The following KCMF1 variants were observed in gnomAD, a reference collection of about 807,000 sequenced individuals.
KCMF1 encodes the protein E3 ubiquitin-protein ligase KCMF1.
Under a neutral mutation model 41.1 loss-of-function variants are expected in KCMF1, and 3 were observed. The observed-to-expected ratio is 0.07, with a 90% confidence interval of 0.03 to 0.19. The LOEUF (loss-of-function observed/expected upper bound fraction) is 0.19, where lower values mean the gene tolerates loss of function less well. Ranked by LOEUF, KCMF1 falls within the 10% of genes least tolerant of loss-of-function variation. The probability of loss-of-function intolerance (pLI) is 1.00; values close to 1 mark genes in which losing one functional copy is unlikely to be tolerated. For missense variants in KCMF1, 286 were observed against 488.9 expected (o/e 0.58, Z 3.91); for synonymous variants, 142 against 164.5 (o/e 0.86, Z 1.04).
intron 1 of KCMF1, among the ~76,000 whole-genome samples, chr2:85,024,904 C>T (rs1168683346): frequency 6.6e-6 from 1 of 152,032 alleles, no homozygotes; most frequent in Non-Finnish European, 1.5e-5. Flanking sequence ...CTGGTCTTTC[C>T]GTTCTATTCC....
At chr2:84,994,830 T>C (rs1160098755) in intron 1 of KCMF1, among the ~76,000 whole-genome samples, 1 of 152,258 alleles carries the variant, frequency 6.6e-6, no homozygotes, top group African/African-American at 2.4e-5. Context: ...TGATAGGTCC[T>C]TTAAAATGTC....
intron 1 of KCMF1, among the ~76,000 whole-genome samples, chr2:85,017,227 C>A (rs993248009): frequency 6.6e-6 from 1 of 151,462 alleles, no homozygotes; most frequent in Admixed American, 6.6e-5. Flanking sequence ...GGGGTTTCAC[C>A]TTGTTAGCCA....
intron 1 of KCMF1, among the ~76,000 whole-genome samples, chr2:85,003,346 C>T (rs894791700): frequency 2.0e-5 from 3 of 152,076 alleles, no homozygotes; most frequent in African/African-American, 4.8e-5. Flanking sequence ...GGCGTGGTGG[C>T]GGGCACCTGT....
chr2:85,018,029 T>C (rs1451319439), intron 1 of KCMF1, among the ~76,000 whole-genome samples: 1 of 152,208 alleles, frequency 6.6e-6, no homozygotes, highest in Non-Finnish European at 1.5e-5. Context: ...ATATAACTTT[T>C]TCAGATAGGT....
intron 1 of KCMF1, among the ~76,000 whole-genome samples, chr2:85,023,379 C>G (rs1035657363): frequency 7.8e-6 from 1 of 127,930 alleles, no homozygotes; most frequent in Non-Finnish European, 1.6e-5. Context: ...AGTGCAGTGG[C>G]GCGATCTCAG....
chr2:85,021,885 C>T (rs1674953116), intron 1 of KCMF1, among the ~76,000 whole-genome samples: 2 of 152,044 alleles, frequency 1.3e-5, no homozygotes, highest in African/African-American at 2.4e-5. Context: ...GGTGCGATCT[C>T]GGCTCACTAC....
chr2:84,999,505 G>A (rs1007494536), intron 1 of KCMF1, among the ~76,000 whole-genome samples: 32 of 152,126 alleles, frequency 2.1e-4, no homozygotes, highest in African/African-American at 7.5e-4. Context: ...CTGAAGTAAG[G>A]TTAATAGGTG....
rs564662189 is a variant in KCMF1, at chr2:85,055,196, A to G, written c.*1787A>G. 23 of 152,358 alleles carry G rather than the reference A, an allele frequency of 1.5e-4. No homozygotes were observed. The highest frequency in any genetic ancestry group is 5.0e-4 in the African/African-American group (21 of 41,590). The allele number at this position is 152,358 out of a possible 1,614,324, so 9.4% of individuals were successfully genotyped here. On this transcript the variant is annotated 3_prime_UTR_variant, in exon 7 of 7. Coordinates refer to ENST00000409785, the MANE Select transcript of KCMF1 (RefSeq NM_020122.5). ...GTTTTCAAGCTGTGGTCTTTCAAAC[A>G]CATCTGCACATAAGTCACACATTTC...
chr2:84,985,635 C>T (rs974548894), intron 1 of KCMF1, among the ~76,000 whole-genome samples: 1 of 152,048 alleles, frequency 6.6e-6, no homozygotes, highest in African/African-American at 2.4e-5. Flanking sequence ...TTGAGACCAG[C>T]CTGGCCAACA....
chr2:85,040,368 A>G (rs1675499745), intron 3 of KCMF1, among the ~76,000 whole-genome samples: 1 of 152,174 alleles, frequency 6.6e-6, no homozygotes, highest in African/African-American at 2.4e-5. Context: ...AAGAGATATT[A>G]GGCACCATGA....
Position 84,971,474 on chromosome 2 carries a change from G to C in KCMF1, c.16+7G>C, listed in dbSNP as rs1419774472. 1.6e-6 allele frequency: 2 copies of C among 1,277,508 alleles called. No homozygotes were observed. Among genetic ancestry groups the C allele is most frequent in the African/African-American group, 3.1e-5 (2 of 63,596 alleles). The allele number at this position is 1,277,508 out of a possible 1,614,324, so 79.1% of individuals were successfully genotyped here. ...AGGATGTCCCGACATGAAGGTGAGA[G>C]GAGCCCCCGCCCCCACCCGCACCTC... On this transcript the variant is annotated splice_region_variant and intron_variant, in intron 1 of 6. Transcript: ENST00000409785.
At chr2:84,982,878 T>G (rs1479339116) in intron 1 of KCMF1, among the ~76,000 whole-genome samples, 1 of 152,222 alleles carries the variant, frequency 6.6e-6, no homozygotes, top group Non-Finnish European at 1.5e-5. Flanking sequence ...TGTATGGCTA[T>G]ACATATGAAT....
At chr2:85,017,755 C>G (rs867325432) in intron 1 of KCMF1, among the ~76,000 whole-genome samples, 12 of 152,026 alleles carry the variant, frequency 7.9e-5, no homozygotes, top group African/African-American at 2.9e-4. Context: ...TATTCCCTAG[C>G]TAAAAACTAA....
chr2:85,014,391 T>A (rs1674716178), intron 1 of KCMF1, among the ~76,000 whole-genome samples: 1 of 152,084 alleles, frequency 6.6e-6, no homozygotes, highest in African/African-American at 2.4e-5. Context: ...AGGCAACCCT[T>A]TATCTTAATC....
chr2:84,973,279 C>T (rs1258605536), intron 1 of KCMF1, among the ~76,000 whole-genome samples: 10 of 152,144 alleles, frequency 6.6e-5, no homozygotes, highest in African/African-American at 2.4e-4. Context: ...ATTCCTTCAC[C>T]CCCAGTGCTC....
intron 1 of KCMF1, among the ~76,000 whole-genome samples, chr2:85,000,049 G>T (rs1306116747): frequency 7.9e-5 from 12 of 151,934 alleles, no homozygotes; most frequent in African/African-American, 2.7e-4. Context: ...AAAAATAATA[G>T]CAACCTCAAA....
chr2:84,993,125 T>C (rs1418868944), intron 1 of KCMF1, among the ~76,000 whole-genome samples: 2 of 150,610 alleles, frequency 1.3e-5, no homozygotes, highest in African/African-American at 4.9e-5. Context: ...AGGTGGAGGC[T>C]GTGGTGAGCC....
intron 1 of KCMF1, among the ~76,000 whole-genome samples, chr2:84,977,005 T>C (rs1188814293): frequency 6.6e-6 from 1 of 152,112 alleles, no homozygotes; most frequent in South Asian, 2.1e-4. Context: ...TAATTTTCTC[T>C]CTCTCTCTCC....
chr2:84,974,658 C>CAT (rs71392939), intron 1 of KCMF1, among the ~76,000 whole-genome samples: 1,677 of 29,320 alleles, frequency 0.057, 101 homozygotes, highest in Non-Finnish European at 0.064. Context: ...ATTTTAATTT[C>CAT]ATATATATAT....
Sources: allele counts gnomAD v4.1 joint callset (sites outside exome capture counted in the v4.1 genomes callset), GRCh38; gene constraint gnomAD v4.1.1; transcripts MANE v1.5; gene names NCBI Gene and HGNC (gene_info 2026-07-23, HGNC 2026-07-21).